Variants in SIPA1L1 observed in about 807,000 individuals in gnomAD.
SIPA1L1 encodes the protein signal induced proliferation associated 1 like 1, also known as signal-induced proliferation-associated 1-like protein 1.
SIPA1L1 carries 26 observed loss-of-function variants against 162.7 expected under a neutral mutation model. The ratio of observed to expected loss-of-function variants is 0.16; its 90% CI spans 0.12 to 0.22. SIPA1L1 has a LOEUF of 0.22. Ranked by LOEUF, SIPA1L1 falls within the 10% of genes least tolerant of loss-of-function variation. The pLI, the probability that SIPA1L1 is intolerant of heterozygous loss-of-function variation, is 1.00. For missense variants in SIPA1L1, 1,874 were observed against 2,241.0 expected, an observed-to-expected ratio of 0.84 and a Z score of 3.31; for synonymous variants, 829 against 837.4, an observed-to-expected ratio of 0.99 and a Z score of 0.17.
chr14:71,348,279 C>T (rs969535544), intron 2 of SIPA1L1, among the ~76,000 whole-genome samples: 1 of 152,132 alleles, frequency 6.6e-6, no homozygotes, highest in African/African-American at 2.4e-5. Context: ...CCCTCCTGCA[C>T]CCCAAAGATA....
intron 4 of SIPA1L1, among the ~76,000 whole-genome samples, chr14:71,587,148 CA>C (rs985021418): frequency 5.3e-5 from 8 of 152,052 alleles, no homozygotes; most frequent in African/African-American, 1.9e-4. Context: ...TTACTTTTGT[CA>C]AAAAACTCTG....
Position 71,723,760 on chromosome 14 carries a change from C to G in SIPA1L1, c.4322C>G (p.Ser1441Cys). Residue 1441 changes from serine (S) to cysteine (C), a missense_variant, in exon 18 of 24, where the codon TCC becomes TGC. Coordinates refer to ENST00000381232, the MANE Select transcript of SIPA1L1 (RefSeq NM_001386936.1). The part of the protein sequence containing the change: ...APSQLAPSFS[S>C]SSSSSSGPRS... ...TCACAGCTCGCACCATCCTTCTCCTCCTCTTCCTCCTCCTCCTCTGGTCCT... is the reference window on the plus strand; with the variant it reads ...TCACAGCTCGCACCATCCTTCTCCTGCTCTTCCTCCTCCTCCTCTGGTCCT... The G allele has an allele frequency of 6.2e-7, 1 of 1,614,216 alleles. No homozygotes were observed. The highest frequency in any genetic ancestry group is 1.1e-5 in the South Asian group (1 of 91,088).
At chr14:71,502,241 T>C (rs1595792513) in intron 2 of SIPA1L1, among the ~76,000 whole-genome samples, 1 of 27,996 alleles carries the variant, frequency 3.6e-5, no homozygotes, top group African/African-American at 8.5e-5. Flanking sequence ...TTGAGATACT[T>C]GAAAAAAAAA....
In SIPA1L1 at chr14:71,685,557, G is replaced by A. The variant is rs750476901; in HGVS notation, c.3300G>A (p.Gly1100=). 23 of 1,614,078 alleles carry A rather than the reference G, an allele frequency of 1.4e-5. No homozygotes were observed. In the Admixed American group the frequency reaches 2.7e-4, roughly 19 times the overall value. The change falls in exon 13 of 24, where the codon GGG becomes GGA. Residue 1100 remains glycine, a synonymous_variant. Coordinates refer to ENST00000381232, the MANE Select transcript of SIPA1L1 (RefSeq NM_001386936.1). The part of the protein sequence containing the change: ...TSRLNAGKGD[G]KMPPPERAAN... Reference sequence around the variant, plus strand: ...GGCTGAATGCTGGAAAAGGAGATGGGAAGATGCCTCCTCCAGAAAGAGCCG... The same window carrying A: ...GGCTGAATGCTGGAAAAGGAGATGGAAAGATGCCTCCTCCAGAAAGAGCCG...
chr14:71,436,556 T>TC, intron 2 of SIPA1L1, among the ~76,000 whole-genome samples: 1 of 152,246 alleles, frequency 6.6e-6, no homozygotes, highest in East Asian at 1.9e-4. Context: ...ATTCCTGAAG[T>TC]CTTTTTAGAA....
chr14:71,362,568 T>G (rs1433919184), intron 2 of SIPA1L1, among the ~76,000 whole-genome samples: 1 of 152,258 alleles, frequency 6.6e-6, no homozygotes, highest in Non-Finnish European at 1.5e-5. Flanking sequence ...CCATTTGGCT[T>G]TAACAAATTT....
At chr14:71,678,429 A>G (rs960376770) in intron 12 of SIPA1L1, among the ~76,000 whole-genome samples, 5 of 152,252 alleles carry the variant, frequency 3.3e-5, no homozygotes, top group Middle Eastern at 3.4e-3. Flanking sequence ...TTCTGTTTAT[A>G]TGCTGGATTA....
chr14:71,722,544 C>T (rs2083839708), intron 17 of SIPA1L1, among the ~76,000 whole-genome samples: 1 of 152,172 alleles, frequency 6.6e-6, no homozygotes, highest in African/African-American at 2.4e-5. Context: ...CAGAAAGGCT[C>T]AAATAGTGTG....
At chr14:71,424,225 A>G (rs995698764) in intron 2 of SIPA1L1, among the ~76,000 whole-genome samples, 2 of 152,078 alleles carry the variant, frequency 1.3e-5, no homozygotes, top group African/African-American at 4.8e-5. Context: ...CTGTGGACAG[A>G]AGTAATTTTA....
chr14:71,505,629 A>C (rs11622780), intron 2 of SIPA1L1, among the ~76,000 whole-genome samples: 4,688 of 152,082 alleles, frequency 0.031, 93 homozygotes, highest in Non-Finnish European at 0.049. Context: ...TTCATTCTTT[A>C]CCTAGTGTAC....
intron 4 of SIPA1L1, among the ~76,000 whole-genome samples, chr14:71,544,770 G>A (rs1360886803): frequency 3.9e-5 from 6 of 152,108 alleles, no homozygotes; most frequent in Admixed American, 6.5e-5. Context: ...GACTATATAC[G>A]TGTGAGTCTC....
intron 8 of SIPA1L1, among the ~76,000 whole-genome samples, chr14:71,651,325 C>T (rs2042600430): frequency 6.6e-6 from 1 of 152,092 alleles, no homozygotes; most frequent in Non-Finnish European, 1.5e-5. Context: ...GTATTGCAGT[C>T]TATAGTAATC....
chr14:71,580,986 CTA>C (rs999255201), intron 4 of SIPA1L1, among the ~76,000 whole-genome samples: 1 of 152,092 alleles, frequency 6.6e-6, no homozygotes, highest in African/African-American at 2.4e-5. Flanking sequence ...GCCTGCCTGT[CTA>C]TCTGTCTATC....
chr14:71,444,006 A>C (rs1256856796), intron 2 of SIPA1L1, among the ~76,000 whole-genome samples: 6 of 152,220 alleles, frequency 3.9e-5, no homozygotes, highest in Non-Finnish European at 4.4e-5. Flanking sequence ...GATAAATAGT[A>C]TGTGAAGTCC....
intron 5 of SIPA1L1, among the ~76,000 whole-genome samples, chr14:71,597,249 T>C (rs966065051): frequency 2.6e-5 from 4 of 152,188 alleles, no homozygotes; most frequent in African/African-American, 9.7e-5. Context: ...CCCAAAGAGC[T>C]GAGATTATGT....
At chr14:71,610,092 T>C (rs965806536) in intron 5 of SIPA1L1, among the ~76,000 whole-genome samples, 1 of 152,240 alleles carries the variant, frequency 6.6e-6, no homozygotes, top group Non-Finnish European at 1.5e-5. Context: ...GTTAATATTC[T>C]GATATGTCTG....
intron 17 of SIPA1L1, among the ~76,000 whole-genome samples, chr14:71,716,690 A>G (rs1251225179): frequency 6.6e-6 from 1 of 152,204 alleles, no homozygotes; most frequent in Non-Finnish European, 1.5e-5. Context: ...AAAGTCAGCA[A>G]ATAGATGTAG....
intron 4 of SIPA1L1, among the ~76,000 whole-genome samples, chr14:71,553,161 A>G (rs2056031036): frequency 6.6e-6 from 1 of 152,236 alleles, no homozygotes; most frequent in Admixed American, 6.5e-5. Flanking sequence ...AAAAAATCAG[A>G]TAGAAATCTG....
In SIPA1L1 at chr14:71,739,091, A is replaced by C. The variant is rs538016558; in HGVS notation, c.5282A>C (p.Glu1761Ala). ...GAGGACAACCTGAGGCTACAGGAGG[A>C]GTCCCAGAACGCCTCGGACAAGCTG... ...LREDNLRLQEESQNASDKLKK... is the reference protein window; with the variant it reads ...LREDNLRLQEASQNASDKLKK... Residue 1761 changes from glutamate (E) to alanine (A), a missense_variant, in exon 24 of 24, where the codon GAG becomes GCG. Glu to Ala is a moderately radical substitution (Grantham distance 107, BLOSUM62 -1). This residue lies in a region of SIPA1L1 where 936 missense variants were observed against 1,051.9 expected (regional missense o/e 0.89). Coordinates refer to ENST00000381232, the MANE Select transcript of SIPA1L1 (RefSeq NM_001386936.1). The C allele has an allele frequency of 2.5e-6, 4 of 1,613,998 alleles. No individual in the cohort carries two copies. Among genetic ancestry groups the C allele is most frequent in the Non-Finnish European group, 1.7e-6 (2 of 1,179,988 alleles).
Sources: allele counts gnomAD v4.1 joint callset (sites outside exome capture counted in the v4.1 genomes callset), GRCh38; gene constraint gnomAD v4.1.1; regional missense constraint gnomAD v4.1.1; transcripts MANE v1.5; gene names NCBI Gene and HGNC (gene_info 2026-07-23, HGNC 2026-07-21).